ZFYVE16: variants seen among roughly 807,000 people sequenced by gnomAD.
ZFYVE16 encodes zinc finger FYVE-type containing 16.
In ZFYVE16, 89 loss-of-function variants were observed where a neutral mutation model predicts 138.1. The ratio of observed to expected loss-of-function variants is 0.64; its 90% CI spans 0.54 to 0.77. ZFYVE16 has a LOEUF of 0.77. ZFYVE16 is among the 30% of genes least tolerant of loss of function. The probability of loss-of-function intolerance (pLI) is 0.00; values close to 1 mark genes in which losing one functional copy is unlikely to be tolerated. For missense variants in ZFYVE16, 1,793 were observed against 1,786.7 expected, an observed-to-expected ratio of 1.00 and a Z score of -0.06; for synonymous variants, 596 against 618.3, an observed-to-expected ratio of 0.96 and a Z score of 0.53.
intron 8 of ZFYVE16, 60 bp downstream of exon 8, chr5:80,448,464 C>T (rs1288269972): frequency 1.5e-5 from 20 of 1,349,510 alleles, no homozygotes; most frequent in Non-Finnish European, 1.9e-5. Flanking sequence ...TGAATTTTAT[C>T]TGTGACATAT....
chr5:80,474,908 G>A, intron 18 of ZFYVE16, 78 bp downstream of exon 18: 1 of 1,465,464 alleles, frequency 6.8e-7, no homozygotes, highest in Non-Finnish European at 9.1e-7. Context: ...CTTTTATTTT[G>A]GGATGAAAGG....
At position 80,482,009 on chromosome 5, in the gene ZFYVE16, C is replaced by T. The variant is rs1476638851; in HGVS notation, c.*4632C>T. Among the ~76,000 whole-genome samples, 1 of 152,098 alleles carries T rather than the reference C, an allele frequency of 6.6e-6. No homozygotes were observed. The highest frequency in any genetic ancestry group is 1.5e-5 in the Non-Finnish European group (1 of 68,030). On this transcript the variant is annotated 3_prime_UTR_variant, in exon 19 of 19. Transcript: ENST00000505560. ...TAATTTTTTGTATTTTTAATAGAGA[C>T]AGAGTTTCACCACGTTGGCCAGGCT...
chr5:80,473,909 T>G (rs1379963606), intron 17 of ZFYVE16, 50 bp downstream of exon 17: 2 of 1,448,226 alleles, frequency 1.4e-6, no homozygotes, highest in Non-Finnish European at 1.9e-6. Flanking sequence ...ATATGATTTT[T>G]GTTCTTTGGA....
chr5:80,455,671 G>A (rs563750137), intron 11 of ZFYVE16, 21 bp from the exon 12 acceptor site: 1 of 1,597,712 alleles, frequency 6.3e-7, no homozygotes, highest in African/African-American at 1.4e-5. Context: ...ATAGTAACCA[G>A]TTTTCCTTTC....
Position 80,436,177 on chromosome 5 carries a change from C to CT in ZFYVE16, c.71-577dup, listed in dbSNP as rs111443763. ...AATTTGGAGTAACAGGAGAATGCCT[C>CT]TTAAGTGGCCCATCTTGAAACCATC... On this transcript the variant is annotated intron_variant, in intron 3 of 18. Coordinates refer to ENST00000505560, the MANE Select transcript of ZFYVE16 (RefSeq NM_001284236.3). Among the ~76,000 whole-genome samples, 85 of 152,304 alleles carry CT rather than the reference C, an allele frequency of 5.6e-4. 1 individual carries two copies. The highest frequency in any genetic ancestry group is 2.0e-3 in the African/African-American group (82 of 41,576).
chr5:80,440,889 T>G (rs1193220516), intron 5 of ZFYVE16: 6 of 985,268 alleles, frequency 6.1e-6, no homozygotes, highest in Non-Finnish European at 3.6e-6. Context: ...TGTTTTTCTC[T>G]TTTGAATGAA....
chr5:80,453,577 G>C (rs1003847914), intron 11 of ZFYVE16, among the ~76,000 whole-genome samples: 1 of 152,146 alleles, frequency 6.6e-6, no homozygotes, highest in Non-Finnish European at 1.5e-5. Context: ...GGTAATGAGG[G>C]GAAATTGTCA....
At chr5:80,425,750 A>G (rs1747891301) in intron 1 of ZFYVE16, among the ~76,000 whole-genome samples, 1 of 151,886 alleles carries the variant, frequency 6.6e-6, no homozygotes, top group African/African-American at 2.4e-5. Flanking sequence ...AGTTTTTTTT[A>G]GGCAGTAATA....
rs957124557 is a variant in ZFYVE16 at position 80,474,532 on chromosome 5, G to C, written c.4294-131G>C. On this transcript the variant is annotated intron_variant, in intron 17 of 18. Coordinates refer to ENST00000505560, the MANE Select transcript of ZFYVE16 (RefSeq NM_001284236.3). ...TACTTATAGTACAGATCAAGCTATC[G>C]ATACAGAATTCTCACAACTAATGCT... is the stretch of plus-strand genomic sequence containing the variant. 4.4e-6 allele frequency: 4 copies of C among 903,228 alleles called. No individual in the cohort carries two copies. The African/African-American group carries it at 5.0e-5, about 11-fold the overall frequency. The allele number at this position is 903,228 out of a possible 1,614,324, so 56.0% of individuals were successfully genotyped here. A position where few individuals can be genotyped will look rare whatever the true frequency, so the allele number is the denominator to read the frequency against.
Position 80,449,651 on chromosome 5 carries a change from G to T in ZFYVE16, c.3164G>T (p.Ser1055Ile). ...ATCATTTTGCTTCTTGAAGGTGAAA[G>T]CTTTCATCCTGTTACATTTGTCCTA... Reference protein sequence around the residue: ...EQIILLLEGESFHPVTFVLNA... With the variant: ...EQIILLLEGEIFHPVTFVLNA... The change falls in exon 9 of 19, where the codon AGC becomes ATC. Residue 1055 changes from serine to isoleucine, a missense_variant. Transcript: ENST00000505560. 1.9e-6 allele frequency: 3 copies of T among 1,609,106 alleles called. No individual in the cohort carries two copies. The highest frequency in any genetic ancestry group is 2.5e-6 in the Non-Finnish European group (3 of 1,177,698).
intron 7 of ZFYVE16, among the ~76,000 whole-genome samples, chr5:80,446,163 T>G (rs964400884): frequency 1.3e-5 from 2 of 152,102 alleles, no homozygotes; most frequent in Admixed American, 6.6e-5. Context: ...CCCAAAGTGC[T>G]GGTTATTACA....
chr5:80,464,017 C>T (rs1047604413), intron 15 of ZFYVE16, among the ~76,000 whole-genome samples: 1 of 152,150 alleles, frequency 6.6e-6, no homozygotes, highest in African/African-American at 2.4e-5. Flanking sequence ...CAAAGCCATT[C>T]AACAAGTCTC....
rs1751872811 is a variant in ZFYVE16 at position 80,450,526 on chromosome 5, G to A, written c.3322G>A (p.Asp1108Asn). 6.2e-7 allele frequency: 1 copy of A among 1,613,590 alleles called. No individual in the cohort carries two copies. The highest frequency in any genetic ancestry group is 8.5e-7 in the Non-Finnish European group (1 of 1,179,692). Residue 1108 changes from aspartate to asparagine, a missense_variant, in exon 10 of 19, where the codon GAT becomes AAT. This residue lies in a region of ZFYVE16 where 498 missense variants were observed against 582.4 expected (regional missense o/e 0.86). Coordinates refer to ENST00000505560, the MANE Select transcript of ZFYVE16 (RefSeq NM_001284236.3). ...IILLLCLPNE[D>N]TIPKDIFRLF... ...TCTATTGTTATGTTTGCCAAATGAA[G>A]ATACTATTCCTAAGGACATCTTCAG...
intron 5 of ZFYVE16, among the ~76,000 whole-genome samples, chr5:80,442,814 ACTC>A (rs1029991184): frequency 3.4e-4 from 52 of 152,340 alleles, no homozygotes; most frequent in African/African-American, 1.2e-3. Flanking sequence ...TTGGAAATAG[ACTC>A]TAGGGGTACA....
In ZFYVE16 at chr5:80,451,547, C is replaced by A; in HGVS notation, c.3445C>A (p.His1149Asn). ...TGAGAGTTTTCTCAGTAGCAAGGATCACGGAGGATTCCTGTTTATTACACC... is the reference window on the plus strand; with the variant it reads ...TGAGAGTTTTCTCAGTAGCAAGGATAACGGAGGATTCCTGTTTATTACACC... ...FTESFLSSKD[H>N]GGFLFITPTF... The change falls in exon 11 of 19, where the codon CAC becomes AAC. Residue 1149 changes from histidine (H) to asparagine (N), a missense_variant. By Grantham distance (68) the His-to-Asn change is moderately conservative. Coordinates refer to ENST00000505560, the MANE Select transcript of ZFYVE16 (RefSeq NM_001284236.3). 1 of 1,613,830 alleles carries A rather than the reference C, an allele frequency of 6.2e-7. No homozygotes were observed. The highest frequency in any genetic ancestry group is 2.2e-5 in the East Asian group (1 of 44,794).
intron 4 of ZFYVE16, among the ~76,000 whole-genome samples, chr5:80,439,664 A>G (rs1750439997): frequency 6.6e-6 from 1 of 152,182 alleles, no homozygotes; most frequent in Non-Finnish European, 1.5e-5. Context: ...GAACTTATTC[A>G]TTAAAGATAG....
At chr5:80,445,958 C>T (rs930796451) in intron 7 of ZFYVE16, among the ~76,000 whole-genome samples, 14 of 147,668 alleles carry the variant, frequency 9.5e-5, no homozygotes, top group Admixed American at 5.5e-4. Context: ...TGCAGTGGTG[C>T]GATTTCAGCT....
At position 80,427,171 on chromosome 5, in the gene ZFYVE16, C is replaced by T. The variant is rs531674781; in HGVS notation, c.-93-321C>T. 2.0e-5 allele frequency among the ~76,000 whole-genome samples: 3 copies of T among 152,160 alleles called. No homozygotes were observed. In the South Asian group the frequency reaches 6.2e-4, roughly 32 times the overall value. ...GAGAGCTGGGATTACAGGTGTGAGC[C>T]ACTGCGCCCGGCCACACATAAATGT... is the stretch of plus-strand genomic sequence containing the variant. On this transcript the variant is annotated intron_variant, in intron 1 of 18. Transcript: ENST00000505560.
rs536094238 is a variant in ZFYVE16, at chr5:80,429,813, C to G, written c.-40+2268C>G. ...GAATCCTAGTCTCTGATAAAACAGA[C>G]TTTAAACCAACAAAGATCAAAAGAG... On this transcript the variant is annotated intron_variant, in intron 2 of 18. Transcript: ENST00000505560. Among the ~76,000 whole-genome samples the G allele has an allele frequency of 1.1e-3, 152 of 132,188 alleles. 1 individual carries two copies. The highest frequency in any genetic ancestry group is 3.8e-3 in the African/African-American group (146 of 38,306). 86.7% of individuals were successfully genotyped at this position (132,188 alleles called of 152,430 possible). A position where few individuals can be genotyped will look rare whatever the true frequency, so the allele number is the denominator to read the frequency against.
Sources: allele counts gnomAD v4.1 joint callset (sites outside exome capture counted in the v4.1 genomes callset), GRCh38; gene constraint gnomAD v4.1.1; regional missense constraint gnomAD v4.1.1; transcripts MANE v1.5; gene names NCBI Gene and HGNC (gene_info 2026-07-23, HGNC 2026-07-21).